PHKA1: variants seen among roughly 807,000 people sequenced by gnomAD.
PHKA1 encodes phosphorylase b kinase regulatory subunit alpha, skeletal muscle isoform.
Under a neutral mutation model 110.2 loss-of-function variants are expected in PHKA1, and 60 were observed. The observed-to-expected ratio is 0.54, with a 90% CI of 0.44 to 0.68. The LOEUF (loss-of-function observed/expected upper bound fraction) is 0.68, where lower values mean the gene tolerates loss of function less well. Ranked by LOEUF, PHKA1 falls within the 30% of genes least tolerant of loss-of-function variation. The probability of loss-of-function intolerance (pLI) is 0.00; values close to 1 mark genes in which losing one functional copy is unlikely to be tolerated. For synonymous variants in PHKA1, 316 were observed against 333.6 expected, an observed-to-expected ratio of 0.95 and a Z score of 0.58; for missense variants, 801 against 942.5, an observed-to-expected ratio of 0.85 and a Z score of 1.97.
chrX:72,693,927 T>C (rs1304354574), intron 4 of PHKA1, among the ~76,000 whole-genome samples: 1 of 112,116 alleles, frequency 8.9e-6, no homozygotes, highest in African/African-American at 3.2e-5. Context: ...TTGGTAGATT[T>C]CCTGGAGTAA....
At chrX:72,661,154 G>A (rs1305724564) in intron 8 of PHKA1, among the ~76,000 whole-genome samples, 1 of 111,867 alleles carries the variant, frequency 8.9e-6, no homozygotes, top group Non-Finnish European at 1.9e-5. Context: ...ACCCTTTTTT[G>A]GTTGCATTTC....
chrX:72,631,394 C>T (rs1309149689), intron 16 of PHKA1, among the ~76,000 whole-genome samples: 10 of 111,096 alleles, frequency 9.0e-5, no homozygotes, highest in Non-Finnish European at 5.7e-5. Context: ...TAGCCCTTCT[C>T]TGATACTACT....
At chrX:72,640,335 T>C (rs1433291335) in intron 14 of PHKA1, among the ~76,000 whole-genome samples, 1 of 111,067 alleles carries the variant, frequency 9.0e-6, no homozygotes, top group Non-Finnish European at 1.9e-5. Flanking sequence ...TCAACAAGTA[T>C]CCAGTAGAAA....
intron 13 of PHKA1, among the ~76,000 whole-genome samples, chrX:72,645,771 G>C (rs1217932342): frequency 2.7e-5 from 3 of 112,151 alleles, no homozygotes; most frequent in Non-Finnish European, 3.8e-5. Context: ...TGTAACCGAA[G>C]TGGCATACAC....
At chrX:72,707,701 A>G (rs1556333094) in intron 2 of PHKA1, 1 of 109,848 alleles carries the variant, frequency 9.1e-6, no homozygotes, top group Non-Finnish European at 1.9e-5. Context: ...CAAAGTGTTA[A>G]CAACTAGCGA....
chrX:72,677,860 T>C (rs782462722), intron 5 of PHKA1, among the ~76,000 whole-genome samples: 74 of 110,490 alleles, frequency 6.7e-4, no homozygotes, highest in African/African-American at 2.3e-3. Flanking sequence ...GAGACCAGCC[T>C]GGGCAACACA....
chrX:72,681,549 G>T (rs2036088738), intron 5 of PHKA1, among the ~76,000 whole-genome samples: 1 of 90,705 alleles, frequency 1.1e-5, no homozygotes, highest in South Asian at 5.8e-4. Flanking sequence ...GAGGTGGGGG[G>T]GTCAGCCCCC....
At chrX:72,602,352 T>C in intron 26 of PHKA1, 79 bp from the exon 27 acceptor site, 1 of 592,709 alleles carries the variant, frequency 1.7e-6, no homozygotes, top group South Asian at 2.4e-5. Flanking sequence ...TAAAAAAAAC[T>C]TTCATATATA....
rs574698806 is a variant in PHKA1, at chrX:72,590,064, GA to G, written c.3243+3039del. 9.0e-5 allele frequency among the ~76,000 whole-genome samples: 10 copies of G among 111,088 alleles called. No homozygotes were observed. In the South Asian group the frequency reaches 3.5e-3, roughly 39 times the overall value. On this transcript the variant is annotated intron_variant, in intron 29 of 31. Transcript: ENST00000373542. ...ACCAATGACTTTCTTCACAGAATTG[GA>G]AAAAAACTACTTTAAAGTTCATATG...
chrX:72,643,055 C>T (rs1484585928), intron 14 of PHKA1, among the ~76,000 whole-genome samples: 1 of 110,953 alleles, frequency 9.0e-6, no homozygotes, highest in Non-Finnish European at 1.9e-5. Flanking sequence ...TTCCTAGAGA[C>T]AGACAAAAGT....
chrX:72,632,260 T>C (rs1333223195), intron 16 of PHKA1, among the ~76,000 whole-genome samples: 1 of 111,941 alleles, frequency 8.9e-6, no homozygotes, highest in East Asian at 2.8e-4. Context: ...TATGTTGTTG[T>C]TTCCCATCAT....
At chrX:72,605,781 C>T (rs1556250394) in intron 23 of PHKA1, among the ~76,000 whole-genome samples, 162 bp from the exon 24 acceptor site, 1 of 112,294 alleles carries the variant, frequency 8.9e-6, no homozygotes. Flanking sequence ...TCATTCATTG[C>T]CTCCTGAAAC....
At chrX:72,670,886 C>T (rs183830952) in intron 6 of PHKA1, among the ~76,000 whole-genome samples, 12 of 111,836 alleles carry the variant, frequency 1.1e-4, no homozygotes, top group African/African-American at 2.3e-4. Context: ...AATTCAACAA[C>T]GCTTCATGCT....
chrX:72,687,220 G>GTA (rs1458627041), intron 4 of PHKA1, among the ~76,000 whole-genome samples: 9 of 110,820 alleles, frequency 8.1e-5, no homozygotes, highest in African/African-American at 1.6e-4. Context: ...TATGGTCTTA[G>GTA]TATATATATA....
At chrX:72,683,576 A>G (rs1758461827) in intron 5 of PHKA1, among the ~76,000 whole-genome samples, 2 of 112,501 alleles carry the variant, frequency 1.8e-5, no homozygotes, top group Admixed American at 1.9e-4. Flanking sequence ...AACTATCATC[A>G]TAATAATGAA....
At chrX:72,627,337 T>C (rs1556283490) in intron 16 of PHKA1, among the ~76,000 whole-genome samples, 1 of 112,440 alleles carries the variant, frequency 8.9e-6, no homozygotes, top group Non-Finnish European at 1.9e-5. Flanking sequence ...GAACACTGAA[T>C]GACTACTGAA....
intron 29 of PHKA1, among the ~76,000 whole-genome samples, chrX:72,592,255 T>C (rs1272630981): frequency 1.8e-5 from 2 of 112,636 alleles, no homozygotes; most frequent in Non-Finnish European, 3.8e-5. Context: ...CCAGAGCCCA[T>C]AGTCTGAGGA....
At chrX:72,591,447 A>G (rs2052519909) in intron 29 of PHKA1, among the ~76,000 whole-genome samples, 1 of 111,461 alleles carries the variant, frequency 9.0e-6, no homozygotes, top group Non-Finnish European at 1.9e-5. Flanking sequence ...GCATTGGGAG[A>G]AATACCTAAT....
intron 16 of PHKA1, among the ~76,000 whole-genome samples, chrX:72,631,025 T>C (rs2053159064): frequency 1.3e-5 from 1 of 79,329 alleles, no homozygotes; most frequent in Admixed American, 1.4e-4. Flanking sequence ...TTTTTTTTAC[T>C]GTGTTGTTCA....
Sources: gnomAD v4.1 joint callset for allele counts (sites outside exome capture counted in the v4.1 genomes callset) on GRCh38, gnomAD v4.1.1 for gene constraint, MANE v1.5 for transcripts, NCBI Gene and HGNC (gene_info 2026-07-23, HGNC 2026-07-21) for gene names.